Variants in IL1RL2 observed in about 807,000 individuals in gnomAD.
The protein encoded by IL1RL2 is interleukin 1 receptor like 2.
IL1RL2 carries 68 observed loss-of-function variants against 66.8 expected under a neutral mutation model. The ratio of observed to expected loss-of-function variants is 1.02; its 90% CI spans 0.84 to 1.25. The LOEUF (loss-of-function observed/expected upper bound fraction) is 1.25, where lower values mean the gene tolerates loss of function less well. IL1RL2 is among the 50% of genes most tolerant of loss of function. The pLI is 0.00. For missense variants in IL1RL2, 729 were observed against 709.3 expected, an observed-to-expected ratio of 1.03 and a Z score of -0.32; for synonymous variants, 305 against 264.6, an observed-to-expected ratio of 1.15 and a Z score of -1.48.
At chr2:102,189,002 A>T (rs1451514677) in intron 2 of IL1RL2, 74 bp from the exon 3 acceptor site, 1 of 1,117,520 alleles carries the variant, frequency 8.9e-7, no homozygotes, top group Non-Finnish European at 1.3e-6. Flanking sequence ...AGAGGCATTT[A>T]AAAAAACTAA....
At chr2:102,189,001 T>TA (rs34996385) in intron 2 of IL1RL2, 75 bp from the exon 3 acceptor site, 20 of 1,125,782 alleles carry the variant, frequency 1.8e-5, no homozygotes, top group African/African-American at 4.7e-5. Flanking sequence ...AAGAGGCATT[T>TA]AAAAAAACTA....
At position 102,214,121 on chromosome 2, in the gene IL1RL2, T is replaced by G. The variant is rs13412836; in HGVS notation, c.724+1947T>G. Among the ~76,000 whole-genome samples the G allele has an allele frequency of 4.2e-3, 634 of 152,282 alleles. 9 individuals carry two copies. The highest frequency in any genetic ancestry group is 0.015 in the African/African-American group (611 of 41,554). ...TATGTGAATAGTCTTAAAAGACAAA[T>G]TTGGCTGTTTTATCTCTCTTAATTG... On this transcript the variant is annotated intron_variant, in intron 6 of 11. Transcript: ENST00000264257.
intron 4 of IL1RL2, among the ~76,000 whole-genome samples, chr2:102,194,830 CT>C (rs1687525729): frequency 6.6e-6 from 1 of 152,110 alleles, no homozygotes; most frequent in Non-Finnish European, 1.5e-5. Context: ...TCACTGTAAC[CT>C]TGAACCCCTG....
At chr2:102,196,017 A>G (rs1173376909) in intron 4 of IL1RL2, among the ~76,000 whole-genome samples, 1 of 151,888 alleles carries the variant, frequency 6.6e-6, no homozygotes, top group African/African-American at 2.4e-5. Context: ...TCGGGCCCTT[A>G]TGCTTGTTAA....
chr2:102,188,665 T>C (rs1686948511), intron 2 of IL1RL2, among the ~76,000 whole-genome samples: 1 of 151,722 alleles, frequency 6.6e-6, no homozygotes. Flanking sequence ...ACAATCGTTT[T>C]GGGATGAAAT....
At position 102,239,305 on chromosome 2, in the gene IL1RL2, T is replaced by C. The variant is rs1249152237; in HGVS notation, c.*64T>C. On this transcript the variant is annotated 3_prime_UTR_variant, in exon 12 of 12. Transcript: ENST00000264257. ...GTTTTGCTCCATGTCTCCTCATTCC[T>C]ACACCTATTTTCTGCTGCAGGATGA... is the stretch of plus-strand genomic sequence containing the variant. 2 of 1,455,030 alleles carry C rather than the reference T, an allele frequency of 1.4e-6. No homozygotes were observed. Among genetic ancestry groups the C allele is most frequent in the Non-Finnish European group, 1.9e-6 (2 of 1,035,270 alleles). The allele number at this position is 1,455,030 out of a possible 1,614,324, so 90.1% of individuals were successfully genotyped here. A position where few individuals can be genotyped will look rare whatever the true frequency, so the allele number is the denominator to read the frequency against.
intron 4 of IL1RL2, among the ~76,000 whole-genome samples, chr2:102,198,017 C>T (rs1475142481): frequency 6.6e-6 from 1 of 152,196 alleles, no homozygotes; most frequent in Non-Finnish European, 1.5e-5. Context: ...TGTCTTGAAT[C>T]CTTTTCTGCA....
chr2:102,207,470 G>A (rs1295696380), intron 5 of IL1RL2, among the ~76,000 whole-genome samples: 1 of 151,918 alleles, frequency 6.6e-6, no homozygotes, highest in African/African-American at 2.4e-5. Flanking sequence ...ATGCTGCAAG[G>A]ACTGAATCCT....
At chr2:102,191,778 A>G in intron 3 of IL1RL2, 147 bp from the exon 4 acceptor site, 1 of 589,116 alleles carries the variant, frequency 1.7e-6, no homozygotes, top group Non-Finnish European at 3.0e-6. Flanking sequence ...TTTGTGATGA[A>G]TCATTTGTGG....
At chr2:102,210,088 G>A (rs771405734) in intron 5 of IL1RL2, among the ~76,000 whole-genome samples, 1 of 152,152 alleles carries the variant, frequency 6.6e-6, no homozygotes, top group South Asian at 2.1e-4. Flanking sequence ...CCAGGGCCTC[G>A]TGAGAAAGCA....
intron 10 of IL1RL2, among the ~76,000 whole-genome samples, chr2:102,233,515 G>C (rs907989236): frequency 1.3e-5 from 2 of 152,160 alleles, no homozygotes; most frequent in Admixed American, 6.5e-5. Context: ...CCATGGGTTT[G>C]AACAATGTAA....
At chr2:102,227,927 G>T (rs2104869165) in intron 9 of IL1RL2, among the ~76,000 whole-genome samples, 1 of 152,102 alleles carries the variant, frequency 6.6e-6, no homozygotes, top group African/African-American at 2.4e-5. Context: ...CTGCTAGTGA[G>T]GTCGAGTTTA....
intron 6 of IL1RL2, among the ~76,000 whole-genome samples, chr2:102,216,800 T>A (rs1326461766): frequency 6.6e-6 from 1 of 152,206 alleles, no homozygotes; most frequent in Non-Finnish European, 1.5e-5. Flanking sequence ...ATGGTTATAA[T>A]AGGCTATTTT....
chr2:102,209,622 G>A (rs932915615), intron 5 of IL1RL2, among the ~76,000 whole-genome samples: 2 of 152,180 alleles, frequency 1.3e-5, no homozygotes, highest in African/African-American at 2.4e-5. Flanking sequence ...GCAGGGCAAG[G>A]TCCAGGGGAC....
intron 6 of IL1RL2, 109 bp from the exon 7 acceptor site, chr2:102,218,844 C>A: frequency 1.1e-6 from 1 of 922,666 alleles, no homozygotes; most frequent in Non-Finnish European, 1.6e-6. Flanking sequence ...TTCTGGTAAT[C>A]AAAAGGTATT....
intron 9 of IL1RL2, among the ~76,000 whole-genome samples, chr2:102,232,647 A>G (rs1559563264): frequency 6.6e-6 from 1 of 152,198 alleles, no homozygotes; most frequent in Non-Finnish European, 1.5e-5. Flanking sequence ...ATTTCTGGCC[A>G]CATCACAGGG....
chr2:102,194,926 A>T (rs895487934), intron 4 of IL1RL2, among the ~76,000 whole-genome samples: 1 of 152,076 alleles, frequency 6.6e-6, no homozygotes, highest in African/African-American at 2.4e-5. Flanking sequence ...TTTCTGTGAA[A>T]AGCCAAATAA....
chr2:102,224,266 T>C (rs1690405026), intron 8 of IL1RL2, among the ~76,000 whole-genome samples: 1 of 152,168 alleles, frequency 6.6e-6, no homozygotes, highest in South Asian at 2.1e-4. Flanking sequence ...ATATGTGAAC[T>C]CCCATGTATA....
Position 102,220,679 on chromosome 2 carries a change from ATGTGTG to A in IL1RL2, c.991+680_991+685del, listed in dbSNP as rs3074966. 3.4e-3 allele frequency among the ~76,000 whole-genome samples: 511 copies of A among 150,430 alleles called. 2 individuals are homozygous for A. Among genetic ancestry groups the A allele is most frequent in the African/African-American group, 0.012 (485 of 41,180 alleles). On this transcript the variant is annotated intron_variant, in intron 8 of 11. Transcript: ENST00000264257. Reference sequence around the variant, plus strand: ...TTGATTCTATTAATATCATTAGTGTATGTGTGTGTGTGTGTGTGTGTGTTTGCACAC... The same window carrying A: ...TTGATTCTATTAATATCATTAGTGTATGTGTGTGTGTGTGTGTTTGCACAC...
Sources: allele counts gnomAD v4.1 joint callset (sites outside exome capture counted in the v4.1 genomes callset), GRCh38; gene constraint gnomAD v4.1.1; transcripts MANE v1.5; gene names NCBI Gene and HGNC (gene_info 2026-07-23, HGNC 2026-07-21).